RANBP17: variants seen among roughly 807,000 people sequenced by gnomAD.
RANBP17 encodes the protein RAN binding protein 17, also known as ran-binding protein 17.
A neutral mutation model predicts 141.2 loss-of-function variants in RANBP17; 158 were observed. The ratio of observed to expected loss-of-function variants is 1.12; its 90% CI spans 0.98 to 1.28. RANBP17 has a LOEUF of 1.28. Ranked by LOEUF, RANBP17 falls within the 50% of genes most tolerant of loss-of-function variation. The probability of loss-of-function intolerance (pLI) is 0.00; values close to 1 mark genes in which losing one functional copy is unlikely to be tolerated. For missense variants in RANBP17, 1,438 were observed against 1,290.7 expected (o/e 1.11, Z -1.75); for synonymous variants, 430 against 450.0 (o/e 0.96, Z 0.56).
At chr5:171,007,757 C>CAGTA (rs1183637618) in intron 14 of RANBP17, among the ~76,000 whole-genome samples, 2 of 151,876 alleles carry the variant, frequency 1.3e-5, no homozygotes, top group African/African-American at 4.8e-5. Flanking sequence ...TGTACTGGGG[C>CAGTA]CAAGCAGTGA....
At position 171,277,140 on chromosome 5, in the gene RANBP17, A is replaced by G. The variant is rs530673192; in HGVS notation, c.2943+11293A>G. Among the ~76,000 whole-genome samples the G allele has an allele frequency of 6.6e-5, 10 of 152,030 alleles. No homozygotes were observed. In the South Asian group the frequency reaches 1.7e-3, roughly 25 times the overall value. ...AGAACATCTGTGTCTTTATGCTAAC[A>G]TAACACAGATAGCAGCATTTATGTC... is the stretch of plus-strand genomic sequence containing the variant. On this transcript the variant is annotated intron_variant, in intron 25 of 27. Coordinates refer to ENST00000523189, the MANE Select transcript of RANBP17 (RefSeq NM_022897.5).
intron 13 of RANBP17, among the ~76,000 whole-genome samples, chr5:170,964,609 C>T (rs1352442641): frequency 1.3e-5 from 2 of 152,090 alleles, no homozygotes; most frequent in Non-Finnish European, 2.9e-5. Flanking sequence ...CATGTGTTCC[C>T]ATTGTTCAAT....
chr5:171,190,332 G>A (rs1375502144), intron 18 of RANBP17, among the ~76,000 whole-genome samples: 4 of 152,128 alleles, frequency 2.6e-5, no homozygotes, highest in Non-Finnish European at 5.9e-5. Flanking sequence ...GGCAGGGGGT[G>A]GTTGGCAATA....
chr5:171,250,536 T>C (rs867847178), intron 24 of RANBP17, among the ~76,000 whole-genome samples: 27 of 152,008 alleles, frequency 1.8e-4, no homozygotes, highest in African/African-American at 5.6e-4. Flanking sequence ...TAAAAAGATA[T>C]AGAATGGCTG....
rs1231456778 is a variant in RANBP17 at position 171,299,868 on chromosome 5, G to A, written c.*1010G>A. The A allele has an allele frequency of 2.3e-5, 5 of 215,120 alleles. No individual in the cohort carries two copies. Among genetic ancestry groups the A allele is most frequent in the Admixed American group, 5.8e-5 (1 of 17,136 alleles). The allele number at this position is 215,120 out of a possible 1,614,324, so 13.3% of individuals were successfully genotyped here. ...GTTACTAGGCTATTAATTTGAGATC[G>A]TCCACTGTCAAGTGTTTTACTATCT... On this transcript the variant is annotated 3_prime_UTR_variant, in exon 28 of 28. Transcript: ENST00000523189.
In RANBP17 at chr5:171,230,868, C is replaced by T. The variant is rs899613750; in HGVS notation, c.2422+9028C>T. Among the ~76,000 whole-genome samples the T allele has an allele frequency of 1.7e-4, 26 of 151,896 alleles. 1 individual carries two copies. The highest frequency in any genetic ancestry group is 6.0e-4 in the African/African-American group (25 of 41,336). ...CATTTTTGAGAAACCACTTTGATAG[C>T]GTTGTGGTAGGTGAATTATTTGGTG... On this transcript the variant is annotated intron_variant, in intron 22 of 27. Transcript: ENST00000523189.
In RANBP17 at chr5:170,918,689, C is replaced by T. The variant is rs1351467136; in HGVS notation, c.955-24C>T. 3.8e-6 allele frequency: 6 copies of T among 1,571,786 alleles called. No homozygotes were observed. The African/African-American group carries it at 4.1e-5, about 11-fold the overall frequency. On this transcript the variant is annotated intron_variant, in intron 9 of 27. Transcript: ENST00000523189. ...TCCATAGGTTGGCTTGTTTTTAAGCCTTTCTTTTTGTCTCATAATTTAGGG... is the reference window on the plus strand; with the variant it reads ...TCCATAGGTTGGCTTGTTTTTAAGCTTTTCTTTTTGTCTCATAATTTAGGG...
rs1256817764 is a variant in RANBP17, at chr5:171,029,429, ATTAT to A, written c.1710+61053_1710+61056del. Among the ~76,000 whole-genome samples, 198 of 152,248 alleles carry A rather than the reference ATTAT, an allele frequency of 1.3e-3. 1 individual carries two copies. The highest frequency in any genetic ancestry group is 4.6e-3 in the African/African-American group (193 of 41,544). On this transcript the variant is annotated intron_variant, in intron 14 of 27. Coordinates refer to ENST00000523189, the MANE Select transcript of RANBP17 (RefSeq NM_022897.5). ...ACCTTCGTAATTTTAATAACGTTTG[ATTAT>A]GTTTGTAGATGGCTTGGAACCAGAA...
intron 10 of RANBP17, 93 bp from the exon 11 acceptor site, chr5:170,919,348 A>G (rs1772238922): frequency 1.1e-6 from 1 of 904,636 alleles, no homozygotes; most frequent in African/African-American, 1.7e-5. Context: ...AATAAAAGTT[A>G]ATTTAAAAAT....
chr5:170,996,188 A>G (rs1051383816), intron 14 of RANBP17, among the ~76,000 whole-genome samples: 31 of 151,000 alleles, frequency 2.1e-4, no homozygotes, highest in Admixed American at 3.3e-4. Flanking sequence ...AGTCTGAGAA[A>G]GAGAATGCTT....
chr5:171,048,318 T>C (rs1782727955), intron 14 of RANBP17, among the ~76,000 whole-genome samples: 1 of 152,150 alleles, frequency 6.6e-6, no homozygotes, highest in African/African-American at 2.4e-5. Flanking sequence ...TCTCAGTCTT[T>C]CAAAGTGCTG....
chr5:171,297,342 A>C (rs1768879952), intron 27 of RANBP17, among the ~76,000 whole-genome samples: 1 of 152,254 alleles, frequency 6.6e-6, no homozygotes, highest in African/African-American at 2.4e-5. Context: ...TTCTAGTAGA[A>C]AAGACAGACA....
At chr5:170,874,568 A>T (rs1768010130) in intron 1 of RANBP17, among the ~76,000 whole-genome samples, 1 of 151,814 alleles carries the variant, frequency 6.6e-6, no homozygotes, top group Non-Finnish European at 1.5e-5. Flanking sequence ...TGTTCCCTTT[A>T]TCATTATGTA....
chr5:171,282,454 A>ATGT (rs11269694), intron 25 of RANBP17, among the ~76,000 whole-genome samples: 119 of 149,566 alleles, frequency 8.0e-4, no homozygotes, highest in African/African-American at 2.8e-3. Context: ...AGAAAGCTGC[A>ATGT]TGTTGTTGTT....
chr5:171,006,816 C>T (rs1163270978), intron 14 of RANBP17, among the ~76,000 whole-genome samples: 1 of 151,542 alleles, frequency 6.6e-6, no homozygotes, highest in Non-Finnish European at 1.5e-5. Flanking sequence ...CTAAGGGTTG[C>T]TGCTAAGCGG....
At chr5:170,935,592 C>T (rs1486057634) in intron 12 of RANBP17, among the ~76,000 whole-genome samples, 1 of 152,174 alleles carries the variant, frequency 6.6e-6, no homozygotes, top group Non-Finnish European at 1.5e-5. Context: ...ACCCTGTTTG[C>T]CTGGGTATCA....
Position 171,299,037 on chromosome 5 carries a change from G to A in RANBP17, c.*179G>A. 1 of 466,150 alleles carries A rather than the reference G, an allele frequency of 2.1e-6. No individual in the cohort carries two copies. The highest frequency in any genetic ancestry group is 3.2e-5 in the East Asian group (1 of 31,294). The allele number at this position is 466,150 out of a possible 1,614,324, so 28.9% of individuals were successfully genotyped here. A position where few individuals can be genotyped will look rare whatever the true frequency, so the allele number is the denominator to read the frequency against. ...ATTATAAGAATTTCTAACAGTACCA[G>A]TGTAAATTCAGTCTTTTCTCTGAAA... On this transcript the variant is annotated 3_prime_UTR_variant, in exon 28 of 28. Transcript: ENST00000523189.
chr5:170,971,863 A>G (rs1581273563), intron 14 of RANBP17, among the ~76,000 whole-genome samples: 1 of 152,148 alleles, frequency 6.6e-6, no homozygotes, highest in Non-Finnish European at 1.5e-5. Context: ...TCTATTTTCC[A>G]TACTGCCACT....
Position 170,924,913 on chromosome 5 carries a change from A to G in RANBP17, c.1468+363A>G, listed in dbSNP as rs913596817. On this transcript the variant is annotated intron_variant, in intron 12 of 27. Transcript: ENST00000523189. ...CCCAATTTCAGCCAATAAAAAGTAT[A>G]TAATATATCATTGTGATTTTGCTTT... is the stretch of plus-strand genomic sequence containing the variant. 1.8e-4 allele frequency: 29 copies of G among 158,768 alleles called. No individual in the cohort carries two copies. The Admixed American group carries it at 1.8e-3, about 10-fold the overall frequency. The allele number at this position is 158,768 out of a possible 1,614,324, so 9.8% of individuals were successfully genotyped here. A position where few individuals can be genotyped will look rare whatever the true frequency, so the allele number is the denominator to read the frequency against.
Sources: gnomAD v4.1 joint callset for allele counts (sites outside exome capture counted in the v4.1 genomes callset) on GRCh38, gnomAD v4.1.1 for gene constraint, MANE v1.5 for transcripts, NCBI Gene and HGNC (gene_info 2026-07-23, HGNC 2026-07-21) for gene names.